Variants in ZNF609 observed in about 807,000 individuals in gnomAD.
ZNF609 encodes zinc finger protein 609.
ZNF609 carries 11 observed loss-of-function variants against 109.5 expected under a neutral mutation model. The ratio of observed to expected loss-of-function variants is 0.10; its 90% CI spans 0.06 to 0.17. ZNF609 has a LOEUF of 0.17. Among genes scored for constraint, ZNF609 ranks in the 10% least tolerant of loss-of-function variants. The pLI, the probability that ZNF609 is intolerant of heterozygous loss-of-function variation, is 1.00. For synonymous variants in ZNF609, 646 were observed against 662.0 expected (o/e 0.98, Z 0.37); for missense variants, 1,559 against 1,772.4 (o/e 0.88, Z 2.16).
At chr15:64,499,196 C>A in intron 1 of ZNF609, 97 bp from the exon 2 acceptor site, 1 of 525,924 alleles carries the variant, frequency 1.9e-6, no homozygotes, top group Non-Finnish European at 3.3e-6. Flanking sequence ...GATATGATAG[C>A]CCCATAGGAA....
At chr15:64,680,934 G>A (rs1896876709) in intron 8 of ZNF609, 72 bp downstream of exon 8, 2 of 1,554,030 alleles carry the variant, frequency 1.3e-6, no homozygotes, top group Non-Finnish European at 8.7e-7. Flanking sequence ...CAGTAGTAAT[G>A]TCCACAGCTA....
intron 2 of ZNF609, among the ~76,000 whole-genome samples, chr15:64,546,160 G>A (rs949659875): frequency 3.3e-5 from 5 of 152,136 alleles, no homozygotes; most frequent in African/African-American, 1.2e-4. Context: ...ATCCTTGTCA[G>A]TACTTGATAC....
chr15:64,513,975 C>T (rs1893771078), intron 2 of ZNF609, among the ~76,000 whole-genome samples: 1 of 151,842 alleles, frequency 6.6e-6, no homozygotes, highest in Non-Finnish European at 1.5e-5. Flanking sequence ...GCCTGTGGTC[C>T]CAGCTACTTG....
chr15:64,484,684 A>G (rs528907721), intron 1 of ZNF609, among the ~76,000 whole-genome samples: 3 of 140,304 alleles, frequency 2.1e-5, no homozygotes, highest in African/African-American at 8.1e-5. Flanking sequence ...TCAAAAAAAA[A>G]AAAAAAAAAA....
Position 64,666,491 on chromosome 15 carries a change from T to C in ZNF609, c.974-3855T>C, listed in dbSNP as rs1373446687. Among the ~76,000 whole-genome samples, 12 of 152,288 alleles carry C rather than the reference T, an allele frequency of 7.9e-5. No individual in the cohort carries two copies. In the East Asian group the frequency reaches 2.1e-3, roughly 27 times the overall value. On this transcript the variant is annotated intron_variant, in intron 3 of 9. Transcript: ENST00000326648. Reference sequence around the variant, plus strand: ...CTAGCACATAATAGTTTTATTTTTCTTTTTTACTTTATTGTATTTATTTAT... The same window carrying C: ...CTAGCACATAATAGTTTTATTTTTCCTTTTTACTTTATTGTATTTATTTAT...
intron 2 of ZNF609, among the ~76,000 whole-genome samples, chr15:64,621,585 G>A (rs895114914): frequency 2.0e-5 from 3 of 151,932 alleles, no homozygotes; most frequent in African/African-American, 7.3e-5. Context: ...TGAACTCTTG[G>A]CTACACGTGA....
chr15:64,607,014 C>G (rs890793953), intron 2 of ZNF609, among the ~76,000 whole-genome samples: 1 of 151,908 alleles, frequency 6.6e-6, no homozygotes, highest in Non-Finnish European at 1.5e-5. Flanking sequence ...CGTGGTGGCA[C>G]ATGCCTGTAA....
chr15:64,611,821 C>T (rs1895720381), intron 2 of ZNF609, among the ~76,000 whole-genome samples: 2 of 151,400 alleles, frequency 1.3e-5, no homozygotes, highest in Admixed American at 6.6e-5. Context: ...GCAACCTCTG[C>T]CTCCCGGGTT....
chr15:64,624,193 A>T (rs755404441), intron 3 of ZNF609, among the ~76,000 whole-genome samples: 2 of 152,212 alleles, frequency 1.3e-5, no homozygotes, highest in Non-Finnish European at 2.9e-5. Context: ...CAGCTTTCAG[A>T]ATAACGTCGC....
chr15:64,653,914 T>C (rs1468597423), intron 3 of ZNF609: 3 of 152,144 alleles, frequency 2.0e-5, no homozygotes, highest in African/African-American at 7.2e-5. Flanking sequence ...GAATCATAAA[T>C]TACCCCTTAC....
intron 2 of ZNF609, among the ~76,000 whole-genome samples, chr15:64,621,767 C>CTT (rs11327193): frequency 2.7e-4 from 38 of 138,456 alleles, no homozygotes; most frequent in African/African-American, 1.0e-3. Flanking sequence ...TTGCTTCTTT[C>CTT]TTTTTTTTTT....
chr15:64,665,341 A>T (rs1896630482), intron 3 of ZNF609, among the ~76,000 whole-genome samples: 1 of 152,218 alleles, frequency 6.6e-6, no homozygotes, highest in Non-Finnish European at 1.5e-5. Flanking sequence ...ACTAATAGTG[A>T]ACCCTTGAGT....
At chr15:64,612,013 G>C (rs1046700898) in intron 2 of ZNF609, among the ~76,000 whole-genome samples, 7 of 151,700 alleles carry the variant, frequency 4.6e-5, no homozygotes, top group Non-Finnish European at 8.8e-5. Flanking sequence ...GGGATTACAG[G>C]CATGAGCCAC....
chr15:64,514,997 A>G (rs1470507083), intron 2 of ZNF609, among the ~76,000 whole-genome samples: 1 of 152,118 alleles, frequency 6.6e-6, no homozygotes, highest in East Asian at 1.9e-4. Flanking sequence ...TTTCTGAAAT[A>G]ACATTTTACA....
chr15:64,678,060 G>A lies in ZNF609; in HGVS notation c.3403-56G>A, dbSNP rs1896831527. 3 of 1,559,418 alleles carry A rather than the reference G, an allele frequency of 1.9e-6. No individual in the cohort carries two copies. In the Admixed American group the frequency reaches 5.4e-5, roughly 28 times the overall value. On this transcript the variant is annotated intron_variant, in intron 5 of 9. Coordinates refer to ENST00000326648, the MANE Select transcript of ZNF609 (RefSeq NM_015042.2). The stretch of plus-strand genomic sequence containing the variant: ...GTGGTTCTACTGGGACCTTGGGCTT[G>A]AAGTATATCTGTCTTATCTGTACAA...
intron 2 of ZNF609, among the ~76,000 whole-genome samples, chr15:64,555,174 A>G (rs966846060): frequency 2.4e-4 from 36 of 151,844 alleles, no homozygotes; most frequent in South Asian, 8.3e-4. Context: ...AGACTGGCCT[A>G]GGCAACCTAG....
At chr15:64,465,357 T>C (rs1405471805) in intron 1 of ZNF609, among the ~76,000 whole-genome samples, 1 of 150,452 alleles carries the variant, frequency 6.6e-6, no homozygotes, top group African/African-American at 2.4e-5. Flanking sequence ...AGTTTGCATC[T>C]CTTCGGTTGT....
At chr15:64,649,836 T>C (rs1896388827) in intron 3 of ZNF609, among the ~76,000 whole-genome samples, 1 of 152,208 alleles carries the variant, frequency 6.6e-6, no homozygotes, top group Non-Finnish European at 1.5e-5. Flanking sequence ...CACCTAGTTC[T>C]GCTACCTTGA....
chr15:64,678,584 G>C (rs978623514), intron 6 of ZNF609, 102 bp downstream of exon 6: 5 of 1,486,854 alleles, frequency 3.4e-6, no homozygotes, highest in African/African-American at 2.8e-5. Context: ...GCATATTGAG[G>C]CTCGCTTAGA....
Sources: allele counts gnomAD v4.1 joint callset (sites outside exome capture counted in the v4.1 genomes callset), GRCh38; gene constraint gnomAD v4.1.1; transcripts MANE v1.5; gene names NCBI Gene and HGNC (gene_info 2026-07-23, HGNC 2026-07-21).